TMEM260: variants seen among roughly 807,000 people sequenced by gnomAD.
The protein encoded by TMEM260 is transmembrane protein 260, also known as protein O-mannosyl-transferase TMEM260.
Under a neutral mutation model 88.9 loss-of-function variants are expected in TMEM260, and 82 were observed. The observed-to-expected ratio is 0.92, with a 90% CI of 0.77 to 1.11. TMEM260 has a LOEUF of 1.11. TMEM260 is among the 50% of genes least tolerant of loss of function. TMEM260 has a pLI of 0.00. For missense variants in TMEM260, 902 were observed against 853.4 expected, an observed-to-expected ratio of 1.06 and a Z score of -0.71; for synonymous variants, 314 against 309.3, an observed-to-expected ratio of 1.02 and a Z score of -0.16.
At chr14:56,627,394 C>G (rs538698882) in intron 12 of TMEM260, among the ~76,000 whole-genome samples, 1 of 152,188 alleles carries the variant, frequency 6.6e-6, no homozygotes, top group Non-Finnish European at 1.5e-5. Context: ...TATTTACTAT[C>G]ATAAAACAAT....
chr14:56,594,168 G>T (rs1045802339), intron 3 of TMEM260, among the ~76,000 whole-genome samples: 1 of 152,060 alleles, frequency 6.6e-6, no homozygotes, highest in Admixed American at 6.5e-5. Flanking sequence ...CTCTGTTTAG[G>T]CTTTGTAAGA....
chr14:56,628,720 A>G (rs1016812037), intron 12 of TMEM260, among the ~76,000 whole-genome samples: 3 of 152,050 alleles, frequency 2.0e-5, no homozygotes, highest in Non-Finnish European at 2.9e-5. Flanking sequence ...TAACCAACCT[A>G]TATCATATTT....
intron 15 of TMEM260, 64 bp downstream of exon 15, chr14:56,636,662 G>C: frequency 7.3e-7 from 1 of 1,376,542 alleles, no homozygotes; most frequent in Admixed American, 1.7e-5. Context: ...TGATTGTTCA[G>C]AATGGATAGA....
the TMEM260 span, among the ~76,000 whole-genome samples, chr14:56,657,483 G>A: frequency 3.3e-4 from 50 of 151,846 alleles, no homozygotes; most frequent in African/African-American, 1.2e-3. Flanking sequence ...CATTTTTTGA[G>A]CTTCTATAAT....
chr14:56,641,925 A>G (rs183499304), intron 15 of TMEM260, among the ~76,000 whole-genome samples: 2 of 152,368 alleles, frequency 1.3e-5, no homozygotes, highest in Admixed American at 6.5e-5. Flanking sequence ...AGGCCATTAC[A>G]TAATAGTAAA....
At position 56,579,820 on chromosome 14, in the gene TMEM260, C is replaced by T. The variant is rs1008704087; in HGVS notation, c.-95C>T. On this transcript the variant is annotated 5_prime_UTR_variant, in exon 1 of 16. Transcript: ENST00000261556. ...CTCGACCCGGAAGCCGCCGTGGCCG[C>T]CGCACAAGCTGCGCTCGTCTCTCGG... 4 of 1,179,790 alleles carry T rather than the reference C, an allele frequency of 3.4e-6. No individual in the cohort carries two copies. The African/African-American group carries it at 4.7e-5, about 14-fold the overall frequency. 73.1% of individuals were successfully genotyped at this position (1,179,790 alleles called of 1,614,324 possible).
chr14:56,632,541 G>C (rs1360746182), intron 12 of TMEM260, among the ~76,000 whole-genome samples: 2 of 150,908 alleles, frequency 1.3e-5, no homozygotes, highest in African/African-American at 4.9e-5. Flanking sequence ...GCTACTTCTT[G>C]GGCTGCAAAA....
chr14:56,616,599 G>C (rs1257423035), intron 8 of TMEM260, among the ~76,000 whole-genome samples: 1 of 151,938 alleles, frequency 6.6e-6, no homozygotes, highest in Non-Finnish European at 1.5e-5. Flanking sequence ...TAATTTAACT[G>C]TTCTTCTATT....
chr14:56,641,018 A>G (rs1022377230), intron 15 of TMEM260, among the ~76,000 whole-genome samples: 2 of 152,170 alleles, frequency 1.3e-5, no homozygotes, highest in Non-Finnish European at 2.9e-5. Context: ...GGGACTATGA[A>G]AAGACCAAAT....
chr14:56,611,343 A>G (rs1887263601), intron 6 of TMEM260, among the ~76,000 whole-genome samples: 1 of 152,198 alleles, frequency 6.6e-6, no homozygotes, highest in Non-Finnish European at 1.5e-5. Context: ...AAAATTCAAT[A>G]AGACTCTGAA....
At chr14:56,615,786 G>A in intron 7 of TMEM260, 158 bp from the exon 8 acceptor site, 1 of 582,998 alleles carries the variant, frequency 1.7e-6, no homozygotes, top group South Asian at 2.3e-5. Flanking sequence ...TCTTTCTATT[G>A]CACTTTTTCT....
At chr14:56,582,098 A>T (rs1170280751) in intron 1 of TMEM260, among the ~76,000 whole-genome samples, 9 of 152,218 alleles carry the variant, frequency 5.9e-5, no homozygotes, top group Non-Finnish European at 7.3e-5. Flanking sequence ...ATATGCCAAT[A>T]TGGAAAATTT....
chr14:56,618,703 A>C lies in TMEM260; in HGVS notation c.1166A>C (p.Gln389Pro). The C allele has an allele frequency of 6.2e-7, 1 of 1,614,222 alleles. No homozygotes were observed. The highest frequency in any genetic ancestry group is 1.1e-5 in the South Asian group (1 of 91,090). ...TNRVLNSNGL[Q>P]CLEWLSATLF... ...CGAGTGCTGAATAGCAATGGGCTTC[A>C]GTGTCTGGAATGGCTTTCTGCAACT... is the stretch of plus-strand genomic sequence containing the variant. The change falls in exon 10 of 16, where the codon CAG becomes CCG. Residue 389 changes from glutamine (Q) to proline (P), a missense_variant. Coordinates refer to ENST00000261556, the MANE Select transcript of TMEM260 (RefSeq NM_017799.4).
chr14:56,591,314 A>G (rs1885843340), intron 3 of TMEM260, among the ~76,000 whole-genome samples: 1 of 152,232 alleles, frequency 6.6e-6, no homozygotes, highest in African/African-American at 2.4e-5. Context: ...TGAGATATTA[A>G]GATACACTAA....
chr14:56,651,314 G>A (rs891707474), downstream of TMEM260, among the ~76,000 whole-genome samples: 1 of 147,644 alleles, frequency 6.8e-6, no homozygotes, highest in Non-Finnish European at 1.5e-5. Flanking sequence ...TCCTGAAAAA[G>A]GGGTTTTTCA....
chr14:56,634,920 A>G lies in TMEM260; in HGVS notation c.1746A>G (p.Glu582=). Residue 582 remains glutamate, a synonymous_variant, in exon 14 of 16, where the codon GAA becomes GAG. Coordinates refer to ENST00000261556, the MANE Select transcript of TMEM260 (RefSeq NM_017799.4). ...EYGRFDPSSW[E]SVANEEMWQA... is the part of the protein sequence containing the mutation. ...ACAGGTTTGATCCATCTTCTTGGGAATCTGTGGCCAATGAAGAAATGTGGC... is the reference window on the plus strand; with the variant it reads ...ACAGGTTTGATCCATCTTCTTGGGAGTCTGTGGCCAATGAAGAAATGTGGC... 1 of 1,613,964 alleles carries G rather than the reference A, an allele frequency of 6.2e-7. No homozygotes were observed. The highest frequency in any genetic ancestry group is 8.5e-7 in the Non-Finnish European group (1 of 1,179,970).
chr14:56,589,144 T>C (rs1368347686), intron 3 of TMEM260, among the ~76,000 whole-genome samples: 10 of 152,114 alleles, frequency 6.6e-5, no homozygotes, highest in Non-Finnish European at 1.3e-4. Context: ...TCATCCTTCA[T>C]ATGTTCCGGT....
intron 15 of TMEM260, among the ~76,000 whole-genome samples, chr14:56,637,096 C>T (rs755168899): frequency 5.5e-4 from 83 of 152,282 alleles, no homozygotes; most frequent in Non-Finnish European, 1.0e-3. Flanking sequence ...CTCTGGAGGA[C>T]GTTGGAAACA....
intron 1 of TMEM260, among the ~76,000 whole-genome samples, chr14:56,583,667 A>G (rs1885284664): frequency 6.6e-6 from 1 of 152,116 alleles, no homozygotes; most frequent in African/African-American, 2.4e-5. Context: ...TCTGATGGGG[A>G]GGCTGGGGAA....
Sources: allele counts gnomAD v4.1 joint callset (sites outside exome capture counted in the v4.1 genomes callset), GRCh38; gene constraint gnomAD v4.1.1; transcripts MANE v1.5; gene names NCBI Gene and HGNC (gene_info 2026-07-23, HGNC 2026-07-21).